Variants in SLC8A1 observed in about 807,000 individuals in gnomAD.
The protein encoded by SLC8A1 is sodium/calcium exchanger 1.
A neutral mutation model predicts 68.3 loss-of-function variants in SLC8A1; 18 were observed. The ratio of observed to expected loss-of-function variants is 0.26; its 90% CI spans 0.18 to 0.39. The LOEUF (loss-of-function observed/expected upper bound fraction) is 0.39, where lower values mean the gene tolerates loss of function less well. Ranked by LOEUF, SLC8A1 falls within the 10% of genes least tolerant of loss-of-function variation. The pLI is 1.00. For missense variants in SLC8A1, 985 were observed against 1,156.7 expected (o/e 0.85, Z 2.15); for synonymous variants, 475 against 415.5 (o/e 1.14, Z -1.74).
intron 2 of SLC8A1, among the ~76,000 whole-genome samples, chr2:40,270,915 G>A (rs1010641823): frequency 2.0e-5 from 3 of 152,086 alleles, no homozygotes; most frequent in African/African-American, 4.8e-5. Flanking sequence ...AGGGAGTTCC[G>A]GCTGGTTTTC....
At chr2:40,297,914 G>GT (rs1323642904) in intron 2 of SLC8A1, among the ~76,000 whole-genome samples, 7 of 152,060 alleles carry the variant, frequency 4.6e-5, no homozygotes, top group African/African-American at 1.7e-4. Context: ...AAGTCTCACT[G>GT]TGTCGCCCAG....
Position 40,225,987 on chromosome 2 carries a change from T to A in SLC8A1, c.1809-48132A>T, listed in dbSNP as rs559353867. Among the ~76,000 whole-genome samples the A allele has an allele frequency of 2.9e-3, 435 of 152,294 alleles. 1 individual carries two copies. Among genetic ancestry groups the A allele is most frequent in the Non-Finnish European group, 4.3e-3 (293 of 68,018 alleles). ...GAGCTCCACTAGCTTAGCAGGCAAG[T>A]AAATAAGATGGTAAACAATACTCTT... is the stretch of plus-strand genomic sequence containing the variant. On this transcript the variant is annotated intron_variant, in intron 2 of 7. Transcript: ENST00000406785.
chr2:40,181,861 T>C (rs899471723), intron 2 of SLC8A1, among the ~76,000 whole-genome samples: 5 of 152,238 alleles, frequency 3.3e-5, no homozygotes, highest in African/African-American at 1.2e-4. Flanking sequence ...CAGAGCCTAA[T>C]GCATGAAAGA....
chr2:40,400,799 G>A (rs1053437614), intron 2 of SLC8A1, among the ~76,000 whole-genome samples: 1 of 152,198 alleles, frequency 6.6e-6, no homozygotes, highest in East Asian at 1.9e-4. Flanking sequence ...CAGAATTGGA[G>A]CATCTGCCTT....
Position 40,317,009 on chromosome 2 carries a change from G to T in SLC8A1, c.1808+111464C>A, listed in dbSNP as rs141278334. Among the ~76,000 whole-genome samples, 629 of 152,048 alleles carry T rather than the reference G, an allele frequency of 4.1e-3. 3 individuals carry two copies. Among genetic ancestry groups the T allele is most frequent in the Middle Eastern group, 0.02 (6 of 294 alleles). On this transcript the variant is annotated intron_variant, in intron 2 of 7. Coordinates refer to ENST00000406785, the Ensembl canonical transcript of SLC8A1. Reference sequence around the variant, plus strand: ...GAAGGGTGGGGAATTTTTCTACTTTGTTCACTCATACGGAGTAAGTGCTCA... The same window carrying T: ...GAAGGGTGGGGAATTTTTCTACTTTTTTCACTCATACGGAGTAAGTGCTCA...
chr2:40,310,930 A>G (rs966213186), intron 2 of SLC8A1, among the ~76,000 whole-genome samples: 1 of 152,148 alleles, frequency 6.6e-6, no homozygotes, highest in Non-Finnish European at 1.5e-5. Flanking sequence ...GAAAAGTTTG[A>G]TGTTCTTTGA....
intron 2 of SLC8A1, among the ~76,000 whole-genome samples, chr2:40,351,255 T>A (rs1002840626): frequency 6.6e-5 from 10 of 152,140 alleles, no homozygotes; most frequent in African/African-American, 2.4e-4. Context: ...TCTCACTGAA[T>A]AAATGAACAA....
At chr2:40,388,632 G>T (rs1025269474) in intron 2 of SLC8A1, among the ~76,000 whole-genome samples, 4 of 152,038 alleles carry the variant, frequency 2.6e-5, no homozygotes, top group Non-Finnish European at 5.9e-5. Flanking sequence ...ACTGGTTTTT[G>T]ACAATTTTGT....
intron 1 of SLC8A1, among the ~76,000 whole-genome samples, chr2:40,476,525 G>C: frequency 6.6e-6 from 1 of 152,232 alleles, no homozygotes; most frequent in Non-Finnish European, 1.5e-5. Flanking sequence ...AAGGTGCTTA[G>C]TGAAGGCGTC....
exon 8 of SLC8A1, chr2:40,103,505 C>T (rs2034020549): frequency 6.6e-6 from 1 of 152,136 alleles, no homozygotes; most frequent in Non-Finnish European, 1.5e-5. Context: ...TATCTTTCTG[C>T]CTGGTCATTG....
rs571525588 is a variant in SLC8A1 at position 40,475,895 on chromosome 2, C to A, written c.-25+36454G>T. On this transcript the variant is annotated intron_variant, in intron 1 of 7. Coordinates refer to the SLC8A1 transcript ENST00000402441. Reference sequence around the variant, plus strand: ...TACTATTTTCCCCCAAAAAACATAACTTTCTATGATGCATCACATCATAGA... The same window carrying A: ...TACTATTTTCCCCCAAAAAACATAAATTTCTATGATGCATCACATCATAGA... 3.3e-5 allele frequency among the ~76,000 whole-genome samples: 5 copies of A among 152,156 alleles called. No homozygotes were observed. The South Asian group carries it at 6.2e-4, about 19-fold the overall frequency.
Position 40,361,887 on chromosome 2 carries a change from C to CTTTTTTTTTTTTTTT in SLC8A1, c.1808+66571_1808+66585dup, listed in dbSNP as rs1172909749. Among the ~76,000 whole-genome samples, 8 of 53,124 alleles carry CTTTTTTTTTTTTTTT rather than the reference C, an allele frequency of 1.5e-4. 1 individual carries two copies. Among genetic ancestry groups the CTTTTTTTTTTTTTTT allele is most frequent in the South Asian group, 6.8e-4 (1 of 1,464 alleles). 34.9% of individuals were successfully genotyped at this position (53,124 alleles called of 152,430 possible). A position where few individuals can be genotyped will look rare whatever the true frequency, so the allele number is the denominator to read the frequency against. On this transcript the variant is annotated intron_variant, in intron 2 of 7. Coordinates refer to ENST00000406785, the Ensembl canonical transcript of SLC8A1. Reference sequence around the variant, plus strand: ...GTCAGATGTTTATATCTTTTCTTTCCTTTTTTTTTTTTTTTTTTTTTTTTT... The same window carrying CTTTTTTTTTTTTTTT: ...GTCAGATGTTTATATCTTTTCTTTCCTTTTTTTTTTTTTTTTTTTTTTTTTTTTTTTTTTTTTTTT...
chr2:40,392,800 G>A (rs980917613), intron 2 of SLC8A1, among the ~76,000 whole-genome samples: 3 of 152,100 alleles, frequency 2.0e-5, no homozygotes, highest in Admixed American at 6.6e-5. Flanking sequence ...GTGGAGCAAA[G>A]GAGGGCTTTC....
At chr2:40,212,318 C>T (rs1359357580) in intron 2 of SLC8A1, among the ~76,000 whole-genome samples, 1 of 117,104 alleles carries the variant, frequency 8.5e-6, no homozygotes, top group African/African-American at 3.2e-5. Context: ...ACAAGTCTCG[C>T]TTTGTCGACA....
intron 5 of SLC8A1, 80 bp downstream of exon 8, chr2:40,164,774 C>G: frequency 6.4e-7 from 1 of 1,558,080 alleles, no homozygotes; most frequent in Non-Finnish European, 8.7e-7. Context: ...CCAGGTGGAT[C>G]TTAAGCTTTG....
chr2:40,272,902 T>C (rs575868110), intron 2 of SLC8A1, among the ~76,000 whole-genome samples: 1 of 152,292 alleles, frequency 6.6e-6, no homozygotes, highest in East Asian at 1.9e-4. Context: ...TATGCAAAGT[T>C]AGTTTGGGCT....
chr2:40,351,062 A>G (rs1354012200), intron 2 of SLC8A1, among the ~76,000 whole-genome samples: 1 of 152,192 alleles, frequency 6.6e-6, no homozygotes, highest in Non-Finnish European at 1.5e-5. Context: ...AATATCTAAT[A>G]AACTTTAGAC....
chr2:40,324,868 C>G (rs955205214), intron 2 of SLC8A1, among the ~76,000 whole-genome samples: 4 of 152,142 alleles, frequency 2.6e-5, no homozygotes, highest in Non-Finnish European at 5.9e-5. Context: ...AAAGAACATC[C>G]TCTGATGGTG....
At chr2:40,444,282 T>C (rs1009757448) in intron 1 of SLC8A1, among the ~76,000 whole-genome samples, 1 of 152,154 alleles carries the variant, frequency 6.6e-6, no homozygotes, top group African/African-American at 2.4e-5. Flanking sequence ...GAGACAGCAG[T>C]GAGCCATGAT....
Sources: allele counts gnomAD v4.1 joint callset (sites outside exome capture counted in the v4.1 genomes callset), GRCh38; gene constraint gnomAD v4.1.1; transcripts MANE v1.5; gene names NCBI Gene and HGNC (gene_info 2026-07-23, HGNC 2026-07-21).